The following IL12RB1 variants were observed in gnomAD, a reference collection of about 807,000 sequenced individuals.
IL12RB1 encodes interleukin-12 receptor subunit beta-1.
In IL12RB1, 64 loss-of-function variants were observed where a neutral mutation model predicts 94.4. The observed-to-expected ratio is 0.68, with a 90% CI of 0.55 to 0.83. IL12RB1 has a LOEUF of 0.83. Ranked by LOEUF, IL12RB1 falls within the 40% of genes least tolerant of loss-of-function variation. The pLI, the probability that IL12RB1 is intolerant of heterozygous loss-of-function variation, is 0.00. For missense variants in IL12RB1, 814 were observed against 855.6 expected, an observed-to-expected ratio of 0.95 and a Z score of 0.61; for synonymous variants, 362 against 355.5, an observed-to-expected ratio of 1.02 and a Z score of -0.21.
At chr19:18,064,134 CTTTCTT>C in intron 12 of IL12RB1, 124 bp from the exon 13 acceptor site, 50 of 417,906 alleles carry the variant, frequency 1.2e-4, no homozygotes, top group Non-Finnish European at 1.6e-4. Context: ...TCTACTCTTT[CTTTCTT>C]TTTTTTTTTT....
At chr19:18,095,196 A>T (rs1248201157) in intron 1 of IL12RB1, among the ~76,000 whole-genome samples, 1 of 152,126 alleles carries the variant, frequency 6.6e-6, no homozygotes, top group Non-Finnish European at 1.5e-5. Flanking sequence ...ATAAATAAAG[A>T]AATAAATCTA....
Position 18,082,138 on chromosome 19 carries a change from AG to A in IL12RB1, c.239+11del, listed in dbSNP as rs756528132. The A allele has an allele frequency of 1.5e-5, 22 of 1,516,244 alleles. No individual in the cohort carries two copies. The Admixed American group carries it at 1.8e-4, about 13-fold the overall frequency. The allele number at this position is 1,516,244 out of a possible 1,614,324, so 93.9% of individuals were successfully genotyped here. ...GTGGGTGAGGGTTTGGGAATGGTAG[AG>A]GGGTCCTCACCAACACCGCAGGAAG... On this transcript the variant is annotated intron_variant, in intron 3 of 16. Coordinates refer to ENST00000593993, the MANE Select transcript of IL12RB1 (RefSeq NM_005535.3).
chr19:18,086,512 T>G (rs886886024), intron 1 of IL12RB1, among the ~76,000 whole-genome samples: 1 of 152,178 alleles, frequency 6.6e-6, no homozygotes, highest in African/African-American at 2.4e-5. Context: ...TTCCTTAGTT[T>G]TTTTTCTCAT....
Position 18,070,428 on chromosome 19 carries a change from G to A in IL12RB1, c.1022-715C>T, listed in dbSNP as rs564206331. The A allele has an allele frequency of 1.3e-4, 77 of 612,712 alleles. No homozygotes were observed. In the African/African-American group the frequency reaches 1.3e-3, roughly 10 times the overall value. The allele number at this position is 612,712 out of a possible 1,614,324, so 38.0% of individuals were successfully genotyped here. A position where few individuals can be genotyped will look rare whatever the true frequency, so the allele number is the denominator to read the frequency against. On this transcript the variant is annotated intron_variant, in intron 9 of 16. Coordinates refer to ENST00000593993, the MANE Select transcript of IL12RB1 (RefSeq NM_005535.3). ...AAGACTAGGCCTCCCTGGCCTGACC[G>A]GCGCCACTGGTGGTCTCATGCCAAA...
At position 18,086,934 on chromosome 19, in the gene IL12RB1, T is replaced by A. The variant is rs393548; in HGVS notation, c.-111A>T. 0.21 allele frequency: 324,116 copies of A among 1,547,552 alleles called. 34,726 individuals carry two copies. The highest frequency in any genetic ancestry group is 0.25 in the African/African-American group (17,941 of 72,516). ...TTGAAGCTGAGCAAGGAGAAAAGAC[T>A]GAAAAAAAAGAAAAAAGAAAAAAAG... On this transcript the variant is annotated 5_prime_UTR_variant, in exon 1 of 17. Transcript: ENST00000593993.
At chr19:18,071,864 C>A (rs989663796) in intron 9 of IL12RB1, among the ~76,000 whole-genome samples, 2 of 152,148 alleles carry the variant, frequency 1.3e-5, no homozygotes, top group Non-Finnish European at 2.9e-5. Flanking sequence ...TGGGTTTCAC[C>A]ACGTTGGCCA....
chr19:18,068,112 G>A (rs986591115), intron 11 of IL12RB1, among the ~76,000 whole-genome samples: 4 of 121,248 alleles, frequency 3.3e-5, no homozygotes, highest in Admixed American at 1.1e-4. Context: ...TGCAACCTCC[G>A]CCTCCTGGGT....
At chr19:18,090,219 G>A (rs567283185), upstream of IL12RB1, among the ~76,000 whole-genome samples, 2 of 152,310 alleles carry the variant, frequency 1.3e-5, no homozygotes, top group East Asian at 1.9e-4. Context: ...TGCTGGGCAT[G>A]GTGGCAGGTG....
At chr19:18,065,861 A>C (rs1306996726) in intron 12 of IL12RB1, among the ~76,000 whole-genome samples, 1 of 151,242 alleles carries the variant, frequency 6.6e-6, no homozygotes, top group African/African-American at 2.4e-5. Flanking sequence ...GCAATATAGC[A>C]AGGCCTCATT....
At chr19:18,089,030 C>CA (rs566600686), upstream of IL12RB1, among the ~76,000 whole-genome samples, 1,083 of 79,010 alleles carry the variant, frequency 0.014, 6 homozygotes, top group Middle Eastern at 0.061. Context: ...GACTCCATCT[C>CA]AAAAAAAAAA....
chr19:18,062,054 C>G, intron 14 of IL12RB1, 127 bp downstream of exon 14: 1 of 664,844 alleles, frequency 1.5e-6, no homozygotes, highest in East Asian at 2.8e-5. Context: ...TCTTCTACCT[C>G]TGGCTTGCCC....
At chr19:18,074,739 C>T (rs1470520838) in intron 7 of IL12RB1, among the ~76,000 whole-genome samples, 1 of 151,398 alleles carries the variant, frequency 6.6e-6, no homozygotes, top group Non-Finnish European at 1.5e-5. Context: ...CAGAGCAAGA[C>T]AGTCTCAAAA....
chr19:18,062,921 C>T (rs1383527174), intron 13 of IL12RB1, among the ~76,000 whole-genome samples: 3 of 151,580 alleles, frequency 2.0e-5, no homozygotes, highest in Admixed American at 6.6e-5. Context: ...GAAAGGACAC[C>T]GTGGCATGAA....
intron 3 of IL12RB1, 139 bp downstream of exon 3, chr19:18,082,011 T>C: frequency 1.4e-6 from 1 of 693,242 alleles, no homozygotes; most frequent in Non-Finnish European, 2.7e-6. Flanking sequence ...CAACTCTCTC[T>C]TCTTAGATGA....
chr19:18,083,417 G>A lies in IL12RB1; in HGVS notation c.124+15C>T. The A allele has an allele frequency of 3.1e-6, 5 of 1,613,412 alleles. No individual in the cohort carries two copies. Among genetic ancestry groups the A allele is most frequent in the Non-Finnish European group, 4.2e-6 (5 of 1,179,390 alleles). On this transcript the variant is annotated intron_variant, in intron 2 of 16. Coordinates refer to ENST00000593993, the MANE Select transcript of IL12RB1 (RefSeq NM_005535.3). Reference sequence around the variant, plus strand: ...CTACATAATCCTCAGCCAACAATGAGGAACTGCCCCGAACCTGAGTCTGCA... The same window carrying A: ...CTACATAATCCTCAGCCAACAATGAAGAACTGCCCCGAACCTGAGTCTGCA...
chr19:18,075,451 G>A lies in IL12RB1; in HGVS notation c.700+298C>T, dbSNP rs56832632. Among the ~76,000 whole-genome samples, 192 of 151,932 alleles carry A rather than the reference G, an allele frequency of 1.3e-3. 1 individual carries two copies. Among genetic ancestry groups the A allele is most frequent in the African/African-American group, 4.4e-3 (181 of 41,436 alleles). Reference sequence around the variant, plus strand: ...AATTTTCGTATTTTTAGTAGAGAAGGGGTTTCACCATGTTGGCCAGGCTGG... The same window carrying A: ...AATTTTCGTATTTTTAGTAGAGAAGAGGTTTCACCATGTTGGCCAGGCTGG... On this transcript the variant is annotated intron_variant, in intron 7 of 16. Transcript: ENST00000593993.
At chr19:18,081,593 G>C (rs553344971) in intron 3 of IL12RB1, among the ~76,000 whole-genome samples, 1 of 151,650 alleles carries the variant, frequency 6.6e-6, no homozygotes, top group Non-Finnish European at 1.5e-5. Flanking sequence ...GCCAAGGGGG[G>C]GTGGATCACC....
In IL12RB1 at chr19:18,062,197, A is replaced by G. The variant is rs752607416; in HGVS notation, c.1699T>C (p.Tyr567His). The change falls in exon 14 of 17, where the codon TAC becomes CAC. Residue 567 changes from tyrosine to histidine, a missense_variant. Tyr to His is a moderately conservative substitution (Grantham distance 83). Coordinates refer to ENST00000593993, the MANE Select transcript of IL12RB1 (RefSeq NM_005535.3). ...GTCAGTTACCTGTTCAGGCCAAGGT[A>G]GCCAAGGACGCCCACGAGAAGGATG... is the stretch of plus-strand genomic sequence containing the variant. ...LSILLVGVLGYLGLNRAARHL... is the reference protein window; with the variant it reads ...LSILLVGVLGHLGLNRAARHL... 6.2e-7 allele frequency: 1 copy of G among 1,611,970 alleles called. No homozygotes were observed. Among genetic ancestry groups the G allele is most frequent in the Non-Finnish European group, 8.5e-7 (1 of 1,178,194 alleles).
At chr19:18,073,956 CTGG>C (rs2035264639) in intron 7 of IL12RB1, among the ~76,000 whole-genome samples, 1 of 152,174 alleles carries the variant, frequency 6.6e-6, no homozygotes, top group African/African-American at 2.4e-5. Flanking sequence ...TTCCAAGTAG[CTGG>C]GATTACAGGC....
Sources: allele counts gnomAD v4.1 joint callset (sites outside exome capture counted in the v4.1 genomes callset), GRCh38; gene constraint gnomAD v4.1.1; transcripts MANE v1.5; gene names NCBI Gene and HGNC (gene_info 2026-07-23, HGNC 2026-07-21).